Variants in CNTN5 observed in about 807,000 individuals in gnomAD.
CNTN5 encodes contactin-5.
In CNTN5, 77 loss-of-function variants were observed where a neutral mutation model predicts 129.1. The ratio of observed to expected loss-of-function variants is 0.60; its 90% confidence interval spans 0.50 to 0.72. The LOEUF (loss-of-function observed/expected upper bound fraction) is 0.72, where lower values mean the gene tolerates loss of function less well. Ranked by LOEUF, CNTN5 falls within the 30% of genes least tolerant of loss-of-function variation. The pLI is 0.00. For synonymous variants in CNTN5, 509 were observed against 465.6 expected, an observed-to-expected ratio of 1.09 and a Z score of -1.20; for missense variants, 1,478 against 1,328.8, an observed-to-expected ratio of 1.11 and a Z score of -1.75.
intron 3 of CNTN5, among the ~76,000 whole-genome samples, chr11:99,724,065 C>T (rs746494350): frequency 6.6e-6 from 1 of 152,112 alleles, no homozygotes; most frequent in Non-Finnish European, 1.5e-5. Flanking sequence ...ATTACACACA[C>T]GTACTCTTCA....
intron 3 of CNTN5, among the ~76,000 whole-genome samples, chr11:99,804,832 G>T (rs964730406): frequency 6.7e-6 from 1 of 149,584 alleles, no homozygotes; most frequent in Non-Finnish European, 1.5e-5. Flanking sequence ...TATTTTATAT[G>T]TATATACATA....
At chr11:99,039,809 G>A (rs1021744144) in intron 1 of CNTN5, among the ~76,000 whole-genome samples, 4 of 152,068 alleles carry the variant, frequency 2.6e-5, no homozygotes, top group Admixed American at 1.3e-4. Context: ...AAAGAATCAG[G>A]AGTACCCTAT....
At chr11:99,560,662 G>A (rs965430141) in intron 3 of CNTN5, among the ~76,000 whole-genome samples, 11 of 152,248 alleles carry the variant, frequency 7.2e-5, no homozygotes, top group Admixed American at 2.6e-4. Flanking sequence ...CTTCAGAAAT[G>A]AGTCTGCAAA....
At chr11:99,738,660 G>A (rs1943791618) in intron 3 of CNTN5, among the ~76,000 whole-genome samples, 1 of 101,786 alleles carries the variant, frequency 9.8e-6, no homozygotes, top group African/African-American at 3.9e-5. Context: ...TGTAGAACCT[G>A]GAGTGTAGAA....
At position 100,340,663 on chromosome 11, in the gene CNTN5, G is replaced by A. The variant is rs201401063; in HGVS notation, c.2917+14G>A. On this transcript the variant is annotated intron_variant, in intron 22 of 24. Coordinates refer to ENST00000524871, the MANE Select transcript of CNTN5 (RefSeq NM_014361.4). ...CCAAGAAATCCCGTAAGTGACCTGG[G>A]CTTTTTGTTTGTTTCAGACAAAGGG... is the stretch of plus-strand genomic sequence containing the variant. 152 of 1,578,218 alleles carry A rather than the reference G, an allele frequency of 9.6e-5. No individual in the cohort carries two copies. Among genetic ancestry groups the A allele is most frequent in the Non-Finnish European group, 1.2e-4 (143 of 1,165,170 alleles).
intron 1 of CNTN5, among the ~76,000 whole-genome samples, chr11:99,251,987 A>G (rs988077047): frequency 3.8e-4 from 58 of 151,966 alleles, no homozygotes; most frequent in Admixed American, 9.9e-4. Context: ...TTTGATTTAC[A>G]TTTCTTTCTC....
chr11:99,025,027 A>G (rs533863656), intron 1 of CNTN5, among the ~76,000 whole-genome samples: 1 of 152,100 alleles, frequency 6.6e-6, no homozygotes, highest in South Asian at 2.1e-4. Flanking sequence ...AAAACTCATA[A>G]TGATCTAAAT....
intron 1 of CNTN5, among the ~76,000 whole-genome samples, chr11:99,065,997 A>ATT (rs35923947): frequency 6.6e-6 from 1 of 152,000 alleles, no homozygotes; most frequent in Non-Finnish European, 1.5e-5. Flanking sequence ...TGACTGTGGA[A>ATT]TTTTTTATAA....
intron 18 of CNTN5, among the ~76,000 whole-genome samples, chr11:100,276,448 A>C (rs1950512622): frequency 6.9e-6 from 1 of 145,622 alleles, no homozygotes; most frequent in Admixed American, 7.3e-5. Flanking sequence ...CTGAGGCATG[A>C]GAACCCGGGA....
At chr11:99,304,804 T>C (rs950022382) in intron 1 of CNTN5, among the ~76,000 whole-genome samples, 1 of 152,200 alleles carries the variant, frequency 6.6e-6, no homozygotes, top group African/African-American at 2.4e-5. Flanking sequence ...GTCATCTCTA[T>C]TGTGAGGTTC....
At chr11:99,525,815 TC>T (rs1181392462) in intron 2 of CNTN5, among the ~76,000 whole-genome samples, 3 of 152,156 alleles carry the variant, frequency 2.0e-5, no homozygotes, top group Admixed American at 2.0e-4. Flanking sequence ...TTGTTATTGT[TC>T]AGATAGTTTT....
At chr11:99,976,688 A>G (rs1427040042) in intron 8 of CNTN5, among the ~76,000 whole-genome samples, 1 of 152,212 alleles carries the variant, frequency 6.6e-6, no homozygotes, top group Admixed American at 6.5e-5. Flanking sequence ...GCAGAGTGCC[A>G]TGTCCCGAGG....
Position 99,169,662 on chromosome 11 carries a change from A to G in CNTN5, c.-210+148392A>G, listed in dbSNP as rs138193237. ...AAGTGATGGCCCAAGACGAGACAGT[A>G]GTAAGGGGTAAAGAGAAAGAAAATT... is the stretch of plus-strand genomic sequence containing the variant. On this transcript the variant is annotated intron_variant, in intron 1 of 24. Transcript: ENST00000524871. 4.3e-3 allele frequency among the ~76,000 whole-genome samples: 653 copies of G among 152,286 alleles called. 5 individuals are homozygous for G. Among genetic ancestry groups the G allele is most frequent in the African/African-American group, 0.015 (631 of 41,568 alleles).
chr11:99,446,059 G>T (rs1454408655), intron 2 of CNTN5, among the ~76,000 whole-genome samples: 2 of 149,354 alleles, frequency 1.3e-5, no homozygotes, highest in Admixed American at 1.4e-4. Flanking sequence ...ACTCCAGCCT[G>T]GGGGAGAAGA....
At chr11:99,213,045 G>T (rs970346760) in intron 1 of CNTN5, among the ~76,000 whole-genome samples, 1 of 151,628 alleles carries the variant, frequency 6.6e-6, no homozygotes, top group East Asian at 1.9e-4. Flanking sequence ...CAAAAAATTA[G>T]CTGGGCGTGG....
intron 2 of CNTN5, among the ~76,000 whole-genome samples, chr11:99,492,604 G>A (rs1366548226): frequency 6.6e-6 from 1 of 152,054 alleles, no homozygotes; most frequent in Admixed American, 6.6e-5. Flanking sequence ...CTGTATAGGG[G>A]AGAAAAAGTA....
intron 2 of CNTN5, among the ~76,000 whole-genome samples, chr11:99,399,765 A>G (rs1043343153): frequency 2.6e-5 from 4 of 151,958 alleles, no homozygotes; most frequent in African/African-American, 9.7e-5. Context: ...TCAATTATAA[A>G]AAACTTTGAT....
chr11:99,888,649 C>T (rs1009609389), intron 6 of CNTN5, among the ~76,000 whole-genome samples: 5 of 152,116 alleles, frequency 3.3e-5, no homozygotes, highest in African/African-American at 1.2e-4. Flanking sequence ...TTGATTCATT[C>T]TTGGTAGTGA....
chr11:99,199,783 A>G (rs890824482), intron 1 of CNTN5, among the ~76,000 whole-genome samples: 3 of 152,230 alleles, frequency 2.0e-5, no homozygotes, highest in Non-Finnish European at 4.4e-5. Flanking sequence ...GTGGAGAAAT[A>G]CACTCTAATT....
Sources: allele counts gnomAD v4.1 joint callset (sites outside exome capture counted in the v4.1 genomes callset), GRCh38; gene constraint gnomAD v4.1.1; transcripts MANE v1.5; gene names NCBI Gene and HGNC (gene_info 2026-07-23, HGNC 2026-07-21).